The following PLOD2 variants were observed in gnomAD, a reference collection of about 807,000 sequenced individuals.
PLOD2 encodes the protein procollagen-lysine,2-oxoglutarate 5-dioxygenase 2.
A neutral mutation model predicts 101.0 loss-of-function variants in PLOD2; 65 were observed. The observed-to-expected ratio is 0.64, with a 90% CI of 0.53 to 0.79. The LOEUF is 0.79. Ranked by LOEUF, PLOD2 falls within the 30% of genes least tolerant of loss-of-function variation. The pLI, the probability that PLOD2 is intolerant of heterozygous loss-of-function variation, is 0.00. For missense variants in PLOD2, 909 were observed against 914.6 expected, an observed-to-expected ratio of 0.99 and a Z score of 0.08; for synonymous variants, 314 against 302.9, an observed-to-expected ratio of 1.04 and a Z score of -0.38.
chr3:146,097,809 T>TAAAA lies in PLOD2; in HGVS notation c.777+4945_777+4946insTTTT, dbSNP rs1241419413. On this transcript the variant is annotated intron_variant, in intron 7 of 19. Coordinates refer to ENST00000282903, the MANE Select transcript of PLOD2 (RefSeq NM_182943.3). ...AGAATGATCAATAAAAAAAAAATAA[T>TAAAA]AATAATAATAATAATAAAAAAAGAA... Among the ~76,000 whole-genome samples the TAAAA allele has an allele frequency of 3.2e-5, 3 of 94,606 alleles. No individual in the cohort carries two copies. In the East Asian group the frequency reaches 1.0e-3, roughly 33 times the overall value. 62.1% of individuals were successfully genotyped at this position (94,606 alleles called of 152,430 possible).
chr3:146,156,195 T>C (rs938797022), intron 1 of PLOD2, among the ~76,000 whole-genome samples: 12 of 152,166 alleles, frequency 7.9e-5, no homozygotes, highest in African/African-American at 2.7e-4. Flanking sequence ...GAAAAACAGG[T>C]CTCTGAAATG....
rs1187029058 is a variant in PLOD2 at position 146,116,273 on chromosome 3, A to ACG, written c.338+4837_338+4838dup. ...CAGACACAGACACACAGACACACAC[A>ACG]CGCACACACACAGTTAAAAACACCC... On this transcript the variant is annotated intron_variant, in intron 3 of 19. Transcript: ENST00000282903. Among the ~76,000 whole-genome samples, 6 of 152,118 alleles carry ACG rather than the reference A, an allele frequency of 3.9e-5. No individual in the cohort carries two copies. The East Asian group carries it at 9.7e-4, about 24-fold the overall frequency.
Position 146,121,366 on chromosome 3 carries a change from TTCATGGAA to T in PLOD2, c.202-126_202-119del. 3 of 836,320 alleles carry T rather than the reference TTCATGGAA, an allele frequency of 3.6e-6. No individual in the cohort carries two copies. The Admixed American group carries it at 5.4e-5, about 15-fold the overall frequency. 51.8% of individuals were successfully genotyped at this position (836,320 alleles called of 1,614,324 possible). ...TGTACCGTAACCACTCTTCTAATGT[TTCATGGAA>T]TCATGATTCTAGAAAAAAAAATCTA... On this transcript the variant is annotated intron_variant, in intron 2 of 19. Transcript: ENST00000282903.
intron 1 of PLOD2, among the ~76,000 whole-genome samples, chr3:146,149,242 A>C (rs190957058): frequency 5.1e-4 from 78 of 152,338 alleles, no homozygotes; most frequent in Admixed American, 4.4e-3. Context: ...TTTTCGAAAG[A>C]AGTTTCTACA....
In PLOD2 at chr3:146,071,119, G is replaced by A. The variant is rs1328749090; in HGVS notation, c.2044C>T (p.Arg682Cys). Residue 682 changes from arginine (R) to cysteine (C), a missense_variant, in exon 19 of 20, where the codon CGT becomes TGT. Physicochemically the swap from Arg to Cys is radical, Grantham distance 180. Transcript: ENST00000282903. ...GCATCATGATGAGGACGAAGAGAAC[G>A]CTGTCGTTCAGGGGAGTATTTTACT... ...FVVKYSPERQRSLRPHHDAST... is the reference protein window; with the variant it reads ...FVVKYSPERQCSLRPHHDAST... 12 of 1,610,240 alleles carry A rather than the reference G, an allele frequency of 7.5e-6. No individual in the cohort carries two copies. Among genetic ancestry groups the A allele is most frequent in the Non-Finnish European group, 1.0e-5 (12 of 1,177,328 alleles).
At chr3:146,155,978 TA>T (rs1306567691) in intron 1 of PLOD2, among the ~76,000 whole-genome samples, 1 of 152,188 alleles carries the variant, frequency 6.6e-6, no homozygotes, top group Admixed American at 6.5e-5. Flanking sequence ...AACAAATTTC[TA>T]GAATATACTC....
intron 7 of PLOD2, among the ~76,000 whole-genome samples, chr3:146,100,060 T>C (rs1019433619): frequency 2.0e-5 from 3 of 152,066 alleles, no homozygotes; most frequent in African/African-American, 7.2e-5. Flanking sequence ...TTTGTATTTT[T>C]AGTAGAGACG....
In PLOD2 at chr3:146,096,696, C is replaced by G. The variant is rs553924142; in HGVS notation, c.778-4795G>C. 3.6e-5 allele frequency among the ~76,000 whole-genome samples: 5 copies of G among 140,706 alleles called. No homozygotes were observed. In the East Asian group the frequency reaches 1.1e-3, roughly 32 times the overall value. The allele number at this position is 140,706 out of a possible 152,430, so 92.3% of individuals were successfully genotyped here. A position where few individuals can be genotyped will look rare whatever the true frequency, so the allele number is the denominator to read the frequency against. ...GGAGCCCCTCCGTCCGGCAACCACCCTGTCTGGGAAGTGAGGAGCGTCTCC... is the reference window on the plus strand; with the variant it reads ...GGAGCCCCTCCGTCCGGCAACCACCGTGTCTGGGAAGTGAGGAGCGTCTCC... On this transcript the variant is annotated intron_variant, in intron 7 of 19. Transcript: ENST00000282903.
At chr3:146,093,418 C>T (rs932818764) in intron 7 of PLOD2, among the ~76,000 whole-genome samples, 1 of 152,120 alleles carries the variant, frequency 6.6e-6, no homozygotes, top group African/African-American at 2.4e-5. Flanking sequence ...TTTCAAGAGT[C>T]AATGTGGTCA....
intron 4 of PLOD2, among the ~76,000 whole-genome samples, chr3:146,108,894 C>T (rs1316991682): frequency 6.6e-6 from 1 of 152,182 alleles, no homozygotes; most frequent in Non-Finnish European, 1.5e-5. Context: ...TGGCTACATA[C>T]TTCCTTTAAA....
In PLOD2 at chr3:146,076,779, T is replaced by C; in HGVS notation, c.1677+3A>G. On this transcript the variant is annotated splice_donor_region_variant and intron_variant, in intron 15 of 19. Coordinates refer to ENST00000282903, the MANE Select transcript of PLOD2 (RefSeq NM_182943.3). ...ATAATAAAGTTGAGTATGAAATACA[T>C]ACCACAGGATTTTCAAAAATCTGCC... The C allele has an allele frequency of 1.5e-6, 2 of 1,319,916 alleles. No homozygotes were observed. Among genetic ancestry groups the C allele is most frequent in the Non-Finnish European group, 2.2e-6 (2 of 914,052 alleles). The allele number at this position is 1,319,916 out of a possible 1,614,324, so 81.8% of individuals were successfully genotyped here.
rs185834932 is a variant in PLOD2, at chr3:146,101,211, C to T, written c.777+1544G>A. ...GTTAGAGGAAGGATTTGAAAACCAC[C>T]AGCATTGAGAGAATTCACTGATGAG... On this transcript the variant is annotated intron_variant, in intron 7 of 19. Transcript: ENST00000282903. Among the ~76,000 whole-genome samples the T allele has an allele frequency of 1.5e-4, 23 of 152,168 alleles. No individual in the cohort carries two copies. The East Asian group carries it at 4.3e-3, about 28-fold the overall frequency.
chr3:146,071,300 C>A lies in PLOD2; in HGVS notation c.1972G>T (p.Val658Phe). 6.2e-7 allele frequency: 1 copy of A among 1,612,044 alleles called. No individual in the cohort carries two copies. Among genetic ancestry groups the A allele is most frequent in the Non-Finnish European group, 8.5e-7 (1 of 1,178,686 alleles). Residue 658 changes from valine to phenylalanine, a missense_variant, in exon 18 of 20, where the codon GTC becomes TTC. By Grantham distance (50) the Val-to-Phe change is conservative. Transcript: ENST00000282903. The part of the protein sequence containing the change: ...REFIAPVTLK[V>F]FAGYYTKGFA... ...ACCTTCGTATAATAGCCTGCAAAGACCTTCAGTGTAACTGGTGCAATGAAC... is the reference window on the plus strand; with the variant it reads ...ACCTTCGTATAATAGCCTGCAAAGAACTTCAGTGTAACTGGTGCAATGAAC...
intron 1 of PLOD2, among the ~76,000 whole-genome samples, chr3:146,142,521 A>C (rs1008540352): frequency 2.0e-5 from 3 of 152,054 alleles, no homozygotes; most frequent in African/African-American, 7.2e-5. Context: ...TTCCAGCTAC[A>C]TGGTAGATGT....
chr3:146,159,320 G>C (rs2032453982), intron 1 of PLOD2, among the ~76,000 whole-genome samples: 1 of 152,118 alleles, frequency 6.6e-6, no homozygotes, highest in South Asian at 2.1e-4. Flanking sequence ...CCAGTTCCAT[G>C]AAATTTAAAA....
rs770962703 is a variant in PLOD2 at position 146,160,843 on chromosome 3, G to A, written c.109+38C>T. On this transcript the variant is annotated intron_variant, in intron 1 of 19. Transcript: ENST00000282903. ...TGAATGAACTGCCCCCCCGCCGGCC[G>A]AGCCTCGCGGGACAGCGGCGGACCG... 3.0e-5 allele frequency: 40 copies of A among 1,353,302 alleles called. No homozygotes were observed. The Middle Eastern group carries it at 7.2e-4, about 24-fold the overall frequency. The allele number at this position is 1,353,302 out of a possible 1,614,324, so 83.8% of individuals were successfully genotyped here.
intron 16 of PLOD2, 101 bp downstream of exon 16, chr3:146,073,186 A>C (rs1936212829): frequency 1.8e-6 from 1 of 558,194 alleles, no homozygotes. Flanking sequence ...CCTAAAAGGT[A>C]GTTTCTCCAC....
rs1439424168 is a variant in PLOD2 at position 146,071,185 on chromosome 3, G to A, written c.1996-18C>T. 8 of 1,610,762 alleles carry A rather than the reference G, an allele frequency of 5.0e-6. No individual in the cohort carries two copies. The Admixed American group carries it at 1.3e-4, about 27-fold the overall frequency. ...GCAAATCCCTGAAAAAGCAAAGTAA[G>A]CCAGTGGATTTGCTTATTAATAAAA... On this transcript the variant is annotated intron_variant, in intron 18 of 19. Transcript: ENST00000282903.
chr3:146,097,190 C>G (rs1424551446), intron 7 of PLOD2, among the ~76,000 whole-genome samples: 1 of 150,324 alleles, frequency 6.7e-6, no homozygotes, highest in Non-Finnish European at 1.5e-5. Flanking sequence ...GGTCAGCCCC[C>G]CGCCCGGCCA....
Sources: gnomAD v4.1 joint callset for allele counts (sites outside exome capture counted in the v4.1 genomes callset) on GRCh38, gnomAD v4.1.1 for gene constraint, MANE v1.5 for transcripts, NCBI Gene and HGNC (gene_info 2026-07-23, HGNC 2026-07-21) for gene names.